The following SCN11A variants were observed in gnomAD, a reference collection of about 807,000 sequenced individuals.
SCN11A encodes sodium channel protein type 11 subunit alpha.
A neutral mutation model predicts 162.2 loss-of-function variants in SCN11A; 122 were observed. That is an observed-to-expected ratio of 0.75 (90% confidence interval 0.65 to 0.87). SCN11A has a LOEUF of 0.87. SCN11A is among the 40% of genes least tolerant of loss of function. SCN11A has a pLI of 0.00. For synonymous variants in SCN11A, 758 were observed against 751.5 expected, an observed-to-expected ratio of 1.01 and a Z score of -0.14; for missense variants, 2,015 against 2,181.6, an observed-to-expected ratio of 0.92 and a Z score of 1.52.
chr3:38,921,953 T>C (rs917996585), intron 9 of SCN11A, among the ~76,000 whole-genome samples: 1 of 152,196 alleles, frequency 6.6e-6, no homozygotes, highest in African/African-American at 2.4e-5. Context: ...CCCTGATCTA[T>C]AGCATTTACA....
chr3:38,930,803 T>G (rs181752164), intron 7 of SCN11A, among the ~76,000 whole-genome samples: 1 of 152,298 alleles, frequency 6.6e-6, no homozygotes, highest in Non-Finnish European at 1.5e-5. Flanking sequence ...CACCCCACAT[T>G]CACGTATCCA....
chr3:38,929,919 C>T (rs2066214798), intron 7 of SCN11A, among the ~76,000 whole-genome samples: 1 of 152,148 alleles, frequency 6.6e-6, no homozygotes, highest in Admixed American at 6.6e-5. Context: ...TCCCAGTCTC[C>T]AGAACTGTAA....
rs138149827 is a variant in SCN11A, at chr3:39,016,405, C to A, written c.-280+15975G>T. On this transcript the variant is annotated intron_variant, in intron 2 of 29. Coordinates refer to ENST00000302328, the MANE Select transcript of SCN11A (RefSeq NM_001349253.2). ...AAGCATGTGCATACAAACTAAGGCACTGAAAACAATTCAATTTCTGATGTT... is the reference window on the plus strand; with the variant it reads ...AAGCATGTGCATACAAACTAAGGCAATGAAAACAATTCAATTTCTGATGTT... Among the ~76,000 whole-genome samples, 346 of 152,250 alleles carry A rather than the reference C, an allele frequency of 2.3e-3. 2 individuals are homozygous for A. The highest frequency in any genetic ancestry group is 7.9e-3 in the African/African-American group (329 of 41,524).
chr3:38,856,865 G>C (rs1003296230), intron 28 of SCN11A, among the ~76,000 whole-genome samples: 2 of 152,132 alleles, frequency 1.3e-5, no homozygotes, highest in Non-Finnish European at 1.5e-5. Context: ...GGGAAAGCCA[G>C]TGCACAATGA....
At chr3:38,989,885 C>T (rs2030396000) in intron 2 of SCN11A, among the ~76,000 whole-genome samples, 1 of 151,226 alleles carries the variant, frequency 6.6e-6, no homozygotes. Context: ...TATCTTGGTG[C>T]CTGGTAGATA....
chr3:38,972,756 A>G (rs929514372), intron 2 of SCN11A, among the ~76,000 whole-genome samples: 2 of 152,212 alleles, frequency 1.3e-5, no homozygotes, highest in South Asian at 2.1e-4. Flanking sequence ...GAAGACAGAT[A>G]CAAGTAGATT....
At chr3:38,879,840 A>T in intron 23 of SCN11A, 110 bp downstream of exon 23, 1 of 802,144 alleles carries the variant, frequency 1.2e-6, no homozygotes, top group Admixed American at 2.9e-5. Context: ...AACAAGAAAA[A>T]CTATTTTAGA....
intron 5 of SCN11A, among the ~76,000 whole-genome samples, chr3:38,949,857 T>A (rs1351586016): frequency 6.6e-6 from 1 of 152,156 alleles, no homozygotes. Context: ...TTTCCTTTTA[T>A]CCTTTTGCAG....
Position 38,950,539 on chromosome 3 carries a change from C to T in SCN11A, c.-7-170G>A, listed in dbSNP as rs572233634. On this transcript the variant is annotated intron_variant, in intron 4 of 29. Transcript: ENST00000302328. ...TGGCTGTGAAGATCAGAAGAGATGA[C>T]CACCACTGTGGGTATAGCAGGAACT... is the stretch of plus-strand genomic sequence containing the variant. 6.2e-4 allele frequency: 402 copies of T among 648,714 alleles called. 2 individuals carry two copies. Among genetic ancestry groups the T allele is most frequent in the African/African-American group, 3.5e-3 (194 of 54,880 alleles). 40.2% of individuals were successfully genotyped at this position (648,714 alleles called of 1,614,324 possible). A position where few individuals can be genotyped will look rare whatever the true frequency, so the allele number is the denominator to read the frequency against.
intron 2 of SCN11A, among the ~76,000 whole-genome samples, chr3:39,001,177 G>A (rs2030800804): frequency 6.6e-6 from 1 of 152,074 alleles, no homozygotes; most frequent in Non-Finnish European, 1.5e-5. Flanking sequence ...CAATTCAGTG[G>A]CTTTTGATAT....
At chr3:38,993,340 A>C (rs2030511986) in intron 2 of SCN11A, among the ~76,000 whole-genome samples, 1 of 152,184 alleles carries the variant, frequency 6.6e-6, no homozygotes, top group Non-Finnish European at 1.5e-5. Flanking sequence ...ACAGAAGCCA[A>C]TCTCAAATGC....
intron 15 of SCN11A, 34 bp downstream of exon 15, chr3:38,905,158 T>C (rs780522346): frequency 2.5e-6 from 4 of 1,613,288 alleles, no homozygotes; most frequent in African/African-American, 2.7e-5. Flanking sequence ...ATCACTGAAG[T>C]AGACTTTCCC....
At chr3:38,877,013 CATATGGTGTATATATATGGTATAT>C (rs2065218914) in intron 23 of SCN11A, among the ~76,000 whole-genome samples, 20 of 145,316 alleles carry the variant, frequency 1.4e-4, no homozygotes, top group African/African-American at 5.1e-4. Flanking sequence ...GAGAAAGAGA[CATATGGTGTATATATATGGTATAT>C]ATATGGTGTA....
intron 19 of SCN11A, among the ~76,000 whole-genome samples, chr3:38,888,779 T>C (rs1398636791): frequency 3.9e-5 from 6 of 152,084 alleles, no homozygotes; most frequent in African/African-American, 7.2e-5. Flanking sequence ...CAGCAGAAAT[T>C]GATGACACTT....
At chr3:38,900,108 C>T (rs376782111) in intron 16 of SCN11A, 35 bp from the exon 17 acceptor site, 327 of 1,560,376 alleles carry the variant, frequency 2.1e-4, no homozygotes, top group Non-Finnish European at 2.8e-4. Flanking sequence ...GAGAAGGAAG[C>T]TGCGGAGATA....
At chr3:38,945,757 T>G (rs1466930996) in intron 6 of SCN11A, among the ~76,000 whole-genome samples, 3 of 152,218 alleles carry the variant, frequency 2.0e-5, no homozygotes, top group African/African-American at 7.2e-5. Context: ...CTTAGGCCCT[T>G]GCTTCAAAGT....
At chr3:38,879,286 G>A (rs1305331991) in intron 23 of SCN11A, among the ~76,000 whole-genome samples, 1 of 152,178 alleles carries the variant, frequency 6.6e-6, no homozygotes, top group African/African-American at 2.4e-5. Flanking sequence ...ATATGGAAGA[G>A]TACTTGATAC....
At chr3:38,930,506 T>G (rs1404612718) in intron 7 of SCN11A, among the ~76,000 whole-genome samples, 1 of 152,246 alleles carries the variant, frequency 6.6e-6, no homozygotes, top group East Asian at 1.9e-4. Flanking sequence ...CAGTTTTAAA[T>G]TATAAAGTTA....
At chr3:38,932,417 G>T (rs144668347) in intron 7 of SCN11A, among the ~76,000 whole-genome samples, 1,837 of 152,308 alleles carry the variant, frequency 0.012, 35 homozygotes, top group African/African-American at 0.041. Context: ...GCAGGGTGAG[G>T]CATTGCCTCA....
Sources: allele counts gnomAD v4.1 joint callset (sites outside exome capture counted in the v4.1 genomes callset), GRCh38; gene constraint gnomAD v4.1.1; transcripts MANE v1.5; gene names NCBI Gene and HGNC (gene_info 2026-07-23, HGNC 2026-07-21).